The following ZNF420 variants were observed in gnomAD, a reference collection of about 807,000 sequenced individuals.
The protein encoded by ZNF420 is zinc finger protein 420, also known as ATM and p53-associated KZNF protein.
A neutral mutation model predicts 44.7 loss-of-function variants in ZNF420; 31 were observed. The observed-to-expected ratio is 0.69, with a 90% confidence interval of 0.52 to 0.94. The LOEUF is 0.94. ZNF420 is among the 40% of genes least tolerant of loss of function. The pLI is 0.00. For synonymous variants in ZNF420, 245 were observed against 267.4 expected (o/e 0.92, Z 0.82); for missense variants, 681 against 827.9 (o/e 0.82, Z 2.18).
At chr19:37,051,772 T>C (rs1967643720) in intron 1 of ZNF420, among the ~76,000 whole-genome samples, 1 of 152,220 alleles carries the variant, frequency 6.6e-6, no homozygotes, top group Non-Finnish European at 1.5e-5. Context: ...CTTTTGAATG[T>C]GTTTGCTCTT....
intron 1 of ZNF420, among the ~76,000 whole-genome samples, chr19:37,054,903 G>C (rs1032204537): frequency 1.3e-5 from 2 of 152,186 alleles, no homozygotes. Flanking sequence ...GCCTAAGTTA[G>C]AGCAGCAGGT....
chr19:37,011,147 G>T (rs1040544279), intron 1 of ZNF420, among the ~76,000 whole-genome samples: 2 of 152,138 alleles, frequency 1.3e-5, no homozygotes, highest in Non-Finnish European at 2.9e-5. Context: ...GATGCTTCTT[G>T]TTCTGGTTCA....
intron 1 of ZNF420, among the ~76,000 whole-genome samples, chr19:37,024,109 T>C (rs1439486725): frequency 6.6e-6 from 1 of 152,130 alleles, no homozygotes; most frequent in Non-Finnish European, 1.5e-5. Flanking sequence ...GAATAAAACC[T>C]AGGTCTCCAC....
At chr19:37,090,714 G>A (rs1003116567) in intron 3 of ZNF420, among the ~76,000 whole-genome samples, 1 of 151,966 alleles carries the variant, frequency 6.6e-6, no homozygotes, top group Admixed American at 6.6e-5. Context: ...AAGGTCAGGA[G>A]TTCGAGACTA....
intron 1 of ZNF420, among the ~76,000 whole-genome samples, chr19:37,022,234 A>T (rs2074655487): frequency 6.6e-6 from 1 of 151,468 alleles, no homozygotes; most frequent in Non-Finnish European, 1.5e-5. Flanking sequence ...ATTTGCTGCA[A>T]TTTTAAAAAC....
intron 1 of ZNF420, among the ~76,000 whole-genome samples, chr19:37,019,771 A>C (rs182544474): frequency 0.024 from 3,672 of 150,776 alleles, 162 homozygotes; most frequent in African/African-American, 0.084. Context: ...ATCTGTCACA[A>C]AAAAAAAAAA....
intron 4 of ZNF420, among the ~76,000 whole-genome samples, chr19:37,113,002 G>A (rs566858695): frequency 6.6e-6 from 1 of 152,260 alleles, no homozygotes; most frequent in Non-Finnish European, 1.5e-5. Flanking sequence ...CTGTATTGTG[G>A]TAACTGGCCC....
chr19:37,076,938 A>G (rs1042325237), upstream of ZNF420, among the ~76,000 whole-genome samples: 17 of 152,226 alleles, frequency 1.1e-4, no homozygotes, highest in African/African-American at 3.6e-4. Flanking sequence ...GATCACACAC[A>G]CAGGTTCATT....
chr19:37,027,872 T>C (rs1967183981), intron 1 of ZNF420, among the ~76,000 whole-genome samples: 1 of 152,244 alleles, frequency 6.6e-6, no homozygotes, highest in Non-Finnish European at 1.5e-5. Context: ...TGGTTATGTA[T>C]AAGCTGCTGT....
chr19:37,059,445 C>T (rs572832072), intron 1 of ZNF420, among the ~76,000 whole-genome samples: 1 of 152,396 alleles, frequency 6.6e-6, no homozygotes, highest in African/African-American at 2.4e-5. Context: ...AGCAGGAGCC[C>T]TCCGTGGCAG....
intron 4 of ZNF420, among the ~76,000 whole-genome samples, chr19:37,122,166 A>G (rs1971083012): frequency 6.6e-6 from 1 of 152,216 alleles, no homozygotes; most frequent in Non-Finnish European, 1.5e-5. Context: ...ATGCACACGT[A>G]TGTTTATTGT....
chr19:37,008,860 C>T (rs2074548009), intron 1 of ZNF420, among the ~76,000 whole-genome samples: 1 of 152,232 alleles, frequency 6.6e-6, no homozygotes, highest in African/African-American at 2.4e-5. Context: ...CAACAAAGAA[C>T]ACTTTCCAGT....
chr19:37,042,696 A>G (rs1356378259), intron 1 of ZNF420, among the ~76,000 whole-genome samples: 1 of 152,144 alleles, frequency 6.6e-6, no homozygotes, highest in Non-Finnish European at 1.5e-5. Flanking sequence ...TTTTTTTATT[A>G]TGCATGTTTT....
At chr19:37,084,647 A>ATC (rs1410813604) in intron 2 of ZNF420, among the ~76,000 whole-genome samples, 1 of 152,048 alleles carries the variant, frequency 6.6e-6, no homozygotes, top group African/African-American at 2.4e-5. Flanking sequence ...CAGTAAAGCC[A>ATC]TCTGGGCCTT....
chr19:37,101,364 G>A (rs561364760), intron 4 of ZNF420, among the ~76,000 whole-genome samples: 2 of 152,236 alleles, frequency 1.3e-5, no homozygotes, highest in South Asian at 4.1e-4. Context: ...CCATGGTGGT[G>A]TGTGCCTGTA....
intron 4 of ZNF420, among the ~76,000 whole-genome samples, chr19:37,112,926 CAG>C (rs987202350): frequency 2.0e-4 from 31 of 152,260 alleles, no homozygotes; most frequent in African/African-American, 6.3e-4. Flanking sequence ...TCCCTGGAAG[CAG>C]AGAGACTGCT....
At chr19:37,123,096 TCCA>T (rs1337489254) in intron 4 of ZNF420, among the ~76,000 whole-genome samples, 1 of 152,180 alleles carries the variant, frequency 6.6e-6, no homozygotes, top group Non-Finnish European at 1.5e-5. Context: ...ACATGTCCAT[TCCA>T]CCAACAAATC....
intron 2 of ZNF420, among the ~76,000 whole-genome samples, chr19:37,085,636 C>T (rs1047345033): frequency 2.0e-5 from 3 of 152,190 alleles, no homozygotes; most frequent in Non-Finnish European, 2.9e-5. Context: ...TATCAGGTGC[C>T]TCTGCCAAGA....
rs765612129 is a variant in ZNF420, at chr19:37,128,148, C to G, written c.1157C>G (p.Thr386Ser). The change falls in exon 5 of 5, where the codon ACC becomes AGC. Residue 386 changes from threonine to serine, a missense_variant. This residue lies in a region of ZNF420 where 51 missense variants were observed against 106.8 expected (regional missense o/e 0.48). Transcript: ENST00000337995. ...SQLTQHQRIH[T>S]NEKPYECKEC... Reference sequence around the variant, plus strand: ...CTTACTCAACACCAGAGAATTCACACCAATGAAAAGCCCTATGAATGTAAG... The same window carrying G: ...CTTACTCAACACCAGAGAATTCACAGCAATGAAAAGCCCTATGAATGTAAG... 6 of 1,614,000 alleles carry G rather than the reference C, an allele frequency of 3.7e-6. No homozygotes were observed. The South Asian group carries it at 5.5e-5, about 15-fold the overall frequency.
Sources: gnomAD v4.1 joint callset for allele counts (sites outside exome capture counted in the v4.1 genomes callset) on GRCh38, gnomAD v4.1.1 for gene constraint, gnomAD v4.1.1 regional missense constraint, MANE v1.5 for transcripts, NCBI Gene and HGNC (gene_info 2026-07-23, HGNC 2026-07-21) for gene names.